Variants in GSG1L observed in about 807,000 individuals in gnomAD.
GSG1L encodes germ cell-specific gene 1-like protein.
In GSG1L, 24 loss-of-function variants were observed where a neutral mutation model predicts 42.1. The ratio of observed to expected loss-of-function variants is 0.57; its 90% confidence interval spans 0.41 to 0.80. The LOEUF (loss-of-function observed/expected upper bound fraction) is 0.80, where lower values mean the gene tolerates loss of function less well. GSG1L is among the 30% of genes least tolerant of loss of function. The pLI, the probability that GSG1L is intolerant of heterozygous loss-of-function variation, is 0.00. For synonymous variants in GSG1L, 215 were observed against 203.5 expected, an observed-to-expected ratio of 1.06 and a Z score of -0.48; for missense variants, 445 against 472.2, an observed-to-expected ratio of 0.94 and a Z score of 0.53.
intron 1 of GSG1L, among the ~76,000 whole-genome samples, chr16:28,026,160 T>C (rs919382647): frequency 1.3e-5 from 2 of 152,184 alleles, no homozygotes; most frequent in South Asian, 2.1e-4. Flanking sequence ...TGCTCACCCA[T>C]GTCTCTCCCC....
intron 1 of GSG1L, among the ~76,000 whole-genome samples, chr16:27,971,821 T>C (rs2085196576): frequency 1.3e-5 from 2 of 152,222 alleles, no homozygotes; most frequent in African/African-American, 4.8e-5. Context: ...GAAGTTCCCT[T>C]CTATTCCTAC....
intron 4 of GSG1L, among the ~76,000 whole-genome samples, chr16:27,833,877 C>A (rs1000401621): frequency 5.9e-5 from 9 of 152,090 alleles, no homozygotes; most frequent in Admixed American, 4.6e-4. Context: ...ATAATCATAA[C>A]ATCCACAAAT....
chr16:27,872,188 C>T (rs2083829610), intron 3 of GSG1L, among the ~76,000 whole-genome samples: 2 of 152,176 alleles, frequency 1.3e-5, no homozygotes, highest in Admixed American at 6.5e-5. Flanking sequence ...CCTCCATGGT[C>T]GCTCTGGGCA....
intron 1 of GSG1L, among the ~76,000 whole-genome samples, chr16:28,011,627 G>A (rs1157252842): frequency 1.3e-5 from 2 of 152,172 alleles, no homozygotes; most frequent in Admixed American, 1.3e-4. Flanking sequence ...TGAAGTGAGA[G>A]AGACTGCTCT....
At chr16:27,990,792 G>A (rs1458555246) in intron 1 of GSG1L, among the ~76,000 whole-genome samples, 2 of 152,204 alleles carry the variant, frequency 1.3e-5, no homozygotes, top group Non-Finnish European at 2.9e-5. Flanking sequence ...ACATATGTGT[G>A]CATGTGTCTT....
At chr16:27,946,569 GAA>G (rs1287256369) in intron 2 of GSG1L, among the ~76,000 whole-genome samples, 2 of 8,594 alleles carry the variant, frequency 2.3e-4, no homozygotes, top group African/African-American at 5.3e-4. Flanking sequence ...AAGAAAGAAA[GAA>G]AGAAAGAAAG....
At chr16:27,866,743 T>C (rs2083731385) in intron 3 of GSG1L, among the ~76,000 whole-genome samples, 1 of 152,098 alleles carries the variant, frequency 6.6e-6, no homozygotes, top group Admixed American at 6.5e-5. Flanking sequence ...GGTTAATTTA[T>C]GTATTTTTAG....
chr16:27,819,597 AG>A (rs1412044915), intron 5 of GSG1L, among the ~76,000 whole-genome samples: 3 of 152,206 alleles, frequency 2.0e-5, no homozygotes, highest in Non-Finnish European at 2.9e-5. Context: ...GCACTCCAGC[AG>A]AGAGAAGAGT....
At chr16:27,819,587 G>A (rs972331669) in intron 5 of GSG1L, among the ~76,000 whole-genome samples, 4 of 152,204 alleles carry the variant, frequency 2.6e-5, no homozygotes, top group African/African-American at 4.8e-5. Context: ...GTGTCAGGCA[G>A]CACTCCAGCA....
chr16:27,888,236 C>A (rs1414418595), intron 2 of GSG1L: 6 of 450,252 alleles, frequency 1.3e-5, no homozygotes, highest in Non-Finnish European at 1.8e-5. Context: ...GCTTCCCCCG[C>A]CCCTCTCCTC....
chr16:27,857,532 AG>A (rs2083594900), intron 3 of GSG1L, among the ~76,000 whole-genome samples: 1 of 151,972 alleles, frequency 6.6e-6, no homozygotes, highest in African/African-American at 2.4e-5. Flanking sequence ...ACTTGAGGCC[AG>A]GGGTTCAAGA....
At chr16:27,898,682 CTCTCTCTCTCTCTCTG>C (rs1340424247) in intron 2 of GSG1L, among the ~76,000 whole-genome samples, 38 of 151,694 alleles carry the variant, frequency 2.5e-4, no homozygotes, top group Middle Eastern at 3.4e-3. Flanking sequence ...CTTTCTCTCT[CTCTCTCTCTCTCTCTG>C]TCTCTCTCTC....
Position 27,789,713 on chromosome 16 carries a change from T to TGGAC in GSG1L, c.*1656_*1657insGTCC, listed in dbSNP as rs2082731110. On this transcript the variant is annotated 3_prime_UTR_variant, in exon 7 of 7. Coordinates refer to ENST00000447459, the MANE Select transcript of GSG1L (RefSeq NM_001109763.2). The stretch of plus-strand genomic sequence containing the variant: ...GATGATGGATGGATGGATGGATGGA[T>TGGAC]GGATGATGGATGGATGGATGATGGA... 2 of 135,462 alleles carry TGGAC rather than the reference T, an allele frequency of 1.5e-5. No homozygotes were observed. The highest frequency in any genetic ancestry group is 3.9e-3 in the Middle Eastern group (1 of 256). The allele number at this position is 135,462 out of a possible 1,614,324, so 8.4% of individuals were successfully genotyped here. A position where few individuals can be genotyped will look rare whatever the true frequency, so the allele number is the denominator to read the frequency against.
At chr16:27,793,777 A>T (rs988391165) in intron 6 of GSG1L, among the ~76,000 whole-genome samples, 1 of 152,196 alleles carries the variant, frequency 6.6e-6, no homozygotes, top group Non-Finnish European at 1.5e-5. Context: ...CCCAGGAGGC[A>T]CTTGGGGCTC....
intron 1 of GSG1L, among the ~76,000 whole-genome samples, chr16:28,056,026 G>A (rs543992747): frequency 5.6e-4 from 85 of 152,112 alleles, no homozygotes; most frequent in African/African-American, 1.9e-3. Flanking sequence ...ACAAGTCCAC[G>A]GGAATGACAG....
chr16:27,800,799 C>T (rs181010170), intron 6 of GSG1L, among the ~76,000 whole-genome samples: 92 of 152,264 alleles, frequency 6.0e-4, no homozygotes, highest in African/African-American at 2.0e-3. Context: ...TATTATGTGC[C>T]ACACACTAGT....
intron 1 of GSG1L, among the ~76,000 whole-genome samples, chr16:27,972,624 T>C (rs2085205449): frequency 6.6e-6 from 1 of 152,230 alleles, no homozygotes; most frequent in South Asian, 2.1e-4. Context: ...TGTGGCATGT[T>C]ACTGCCACCT....
intron 1 of GSG1L, among the ~76,000 whole-genome samples, chr16:27,973,693 G>A (rs997574923): frequency 5.3e-5 from 8 of 152,100 alleles, no homozygotes; most frequent in African/African-American, 1.4e-4. Context: ...CTCACTGCAC[G>A]TGTAACATCA....
At position 27,817,093 on chromosome 16, in the gene GSG1L, A is replaced by G. The variant is rs931507486; in HGVS notation, c.831-9539T>C. ...GATGGAGCTGGGAGACTCTGAGGAC[A>G]CTGAGGGAGGGTTTCAGGGAGGACC... is the stretch of plus-strand genomic sequence containing the variant. On this transcript the variant is annotated intron_variant, in intron 5 of 6. Coordinates refer to ENST00000447459, the MANE Select transcript of GSG1L (RefSeq NM_001109763.2). Among the ~76,000 whole-genome samples, 5 of 152,316 alleles carry G rather than the reference A, an allele frequency of 3.3e-5. No homozygotes were observed. In the South Asian group the frequency reaches 1.0e-3, roughly 32 times the overall value.
Sources: gnomAD v4.1 joint callset for allele counts (sites outside exome capture counted in the v4.1 genomes callset) on GRCh38, gnomAD v4.1.1 for gene constraint, MANE v1.5 for transcripts, NCBI Gene and HGNC (gene_info 2026-07-23, HGNC 2026-07-21) for gene names.